The following AP4S1 variants were observed in gnomAD, a reference collection of about 807,000 sequenced individuals.
AP4S1 encodes adaptor related protein complex 4 subunit sigma 1.
In AP4S1, 23 loss-of-function variants were observed where a neutral mutation model predicts 19.8. The observed-to-expected ratio is 1.16, with a 90% CI of 0.84 to 1.65. The LOEUF is 1.65. Among genes scored for constraint, AP4S1 ranks in the 40% most tolerant of loss-of-function variants. AP4S1 has a pLI of 0.00. For synonymous variants in AP4S1, 46 were observed against 54.1 expected (o/e 0.85, Z 0.66); for missense variants, 166 against 172.8 (o/e 0.96, Z 0.22).
At chr14:31,074,551 G>A (rs58771204) in intron 4 of AP4S1, among the ~76,000 whole-genome samples, 15,188 of 151,882 alleles carry the variant, frequency 0.1, 1,019 homozygotes, top group South Asian at 0.25. Context: ...GCATGGTGGC[G>A]GGCGCCTGTA....
At chr14:31,081,838 T>C (rs1887653421) in intron 5 of AP4S1, among the ~76,000 whole-genome samples, 1 of 151,542 alleles carries the variant, frequency 6.6e-6, no homozygotes, top group African/African-American at 2.4e-5. Context: ...CTGGGCGTAG[T>C]GTCTGATGTG....
intron 1 of AP4S1, among the ~76,000 whole-genome samples, chr14:31,051,340 A>G (rs1283661880): frequency 3.9e-5 from 6 of 152,088 alleles, no homozygotes; most frequent in Non-Finnish European, 4.4e-5. Flanking sequence ...ATGGCACAAA[A>G]CTTCATCATG....
chr14:31,073,255 C>T (rs1887121208), intron 4 of AP4S1: 3 of 357,820 alleles, frequency 8.4e-6, no homozygotes, highest in Non-Finnish European at 1.6e-5. Context: ...CTTTGGGAGG[C>T]TAAGGTGGGC....
intron 1 of AP4S1, among the ~76,000 whole-genome samples, chr14:31,028,497 A>G (rs1379493114): frequency 6.6e-6 from 1 of 152,144 alleles, no homozygotes; most frequent in Admixed American, 6.6e-5. Context: ...TAGAGTTACC[A>G]ACATACAACC....
intron 1 of AP4S1, among the ~76,000 whole-genome samples, chr14:31,043,256 T>G (rs1885212897): frequency 6.6e-6 from 1 of 151,604 alleles, no homozygotes; most frequent in Non-Finnish European, 1.5e-5. Flanking sequence ...CACACATACC[T>G]GTATGTTTAA....
At chr14:31,049,427 AAATAT>A (rs1227598737) in intron 1 of AP4S1, among the ~76,000 whole-genome samples, 12 of 32,964 alleles carry the variant, frequency 3.6e-4, no homozygotes, top group South Asian at 1.5e-3. Context: ...AAAAAAAAAA[AAATAT>A]ATATATATAT....
chr14:31,085,106 G>C, intron 5 of AP4S1: 1 of 1,364,724 alleles, frequency 7.3e-7, no homozygotes, highest in Non-Finnish European at 9.5e-7. Context: ...CTCGGGCCCT[G>C]TGCTCTAGAA....
At chr14:31,063,295 T>G (rs1333888436) in intron 1 of AP4S1, among the ~76,000 whole-genome samples, 1 of 152,198 alleles carries the variant, frequency 6.6e-6, no homozygotes, top group African/African-American at 2.4e-5. Context: ...CAAGGCATGG[T>G]GGCAGGCACC....
intron 1 of AP4S1, among the ~76,000 whole-genome samples, chr14:31,043,322 A>G (rs1417141058): frequency 1.3e-5 from 2 of 152,216 alleles, no homozygotes; most frequent in African/African-American, 4.8e-5. Flanking sequence ...AGACTTTAAC[A>G]GAAAAAAGAA....
intron 1 of AP4S1, among the ~76,000 whole-genome samples, chr14:31,060,258 T>C (rs936522479): frequency 6.6e-6 from 1 of 151,932 alleles, no homozygotes; most frequent in African/African-American, 2.4e-5. Context: ...ACCCCAGTTA[T>C]ATGGGGCTGA....
chr14:31,067,893 CAG>C (rs1367046674), intron 2 of AP4S1, among the ~76,000 whole-genome samples: 8 of 149,236 alleles, frequency 5.4e-5, no homozygotes, highest in African/African-American at 2.0e-4. Flanking sequence ...TTTTTTGAGA[CAG>C]AGTTTTGCTC....
intron 5 of AP4S1, chr14:31,085,881 T>C (rs1887900318): frequency 2.0e-6 from 2 of 979,470 alleles, no homozygotes; most frequent in Non-Finnish European, 2.4e-6. Context: ...TGGTGGGTTG[T>C]GTGAAAAAAC....
At chr14:31,079,783 G>GC (rs1887543509) in intron 4 of AP4S1, among the ~76,000 whole-genome samples, 1 of 152,140 alleles carries the variant, frequency 6.6e-6, no homozygotes, top group Non-Finnish European at 1.5e-5. Flanking sequence ...CCAAGATCAT[G>GC]CCACTGCACT....
chr14:31,029,749 C>G (rs887189496), intron 1 of AP4S1, among the ~76,000 whole-genome samples: 3 of 151,916 alleles, frequency 2.0e-5, no homozygotes, highest in Non-Finnish European at 2.9e-5. Flanking sequence ...CCCAGGAGGT[C>G]CAGGCTGCAG....
chr14:31,045,374 GAAGTA>G (rs1885337400), intron 1 of AP4S1, among the ~76,000 whole-genome samples: 1 of 152,160 alleles, frequency 6.6e-6, no homozygotes, highest in Admixed American at 6.5e-5. Flanking sequence ...AGACAAGGTT[GAAGTA>G]ATTGAATCAT....
chr14:31,063,075 C>G (rs994338312), intron 1 of AP4S1, among the ~76,000 whole-genome samples: 1 of 151,870 alleles, frequency 6.6e-6, no homozygotes, highest in African/African-American at 2.4e-5. Flanking sequence ...GCAGGAGGAC[C>G]CCTTGAGGCC....
rs1395010716 is a variant in AP4S1 at position 31,095,808 on chromosome 14, G to T, written c.*2773G>T. The T allele has an allele frequency of 2.6e-5, 4 of 152,172 alleles. No individual in the cohort carries two copies. The highest frequency in any genetic ancestry group is 9.7e-5 in the African/African-American group (4 of 41,434). The allele number at this position is 152,172 out of a possible 1,614,324, so 9.4% of individuals were successfully genotyped here. On this transcript the variant is annotated 3_prime_UTR_variant, in exon 6 of 6. Coordinates refer to ENST00000542754, the MANE Select transcript of AP4S1 (RefSeq NM_001128126.3). ...AAGTTTAAAAGTAGAATGCAGCCAG[G>T]CATGGTGGCTTACGCCTATAATCCC...
At chr14:31,057,888 A>T (rs566188839) in intron 1 of AP4S1, among the ~76,000 whole-genome samples, 1 of 150,996 alleles carries the variant, frequency 6.6e-6, no homozygotes, top group East Asian at 1.9e-4. Flanking sequence ...TCGGCCTCCC[A>T]AAGTACTGGG....
At chr14:31,059,969 GTATT>G (rs921948765) in intron 1 of AP4S1, among the ~76,000 whole-genome samples, 4 of 71,338 alleles carry the variant, frequency 5.6e-5, no homozygotes, top group Non-Finnish European at 9.1e-5. Context: ...GTATATATAT[GTATT>G]TATGTATATA....
Sources: allele counts gnomAD v4.1 joint callset (sites outside exome capture counted in the v4.1 genomes callset), GRCh38; gene constraint gnomAD v4.1.1; transcripts MANE v1.5; gene names NCBI Gene and HGNC (gene_info 2026-07-23, HGNC 2026-07-21).